Variants in VOPP1 observed in about 807,000 individuals in gnomAD.
VOPP1 encodes VOPP1 WW domain binding protein, also known as WW domain binding protein VOPP1.
Under a neutral mutation model 23.5 loss-of-function variants are expected in VOPP1, and 8 were observed. The observed-to-expected ratio is 0.34, with a 90% CI of 0.20 to 0.61. The LOEUF (loss-of-function observed/expected upper bound fraction) is 0.61, where lower values mean the gene tolerates loss of function less well. Ranked by LOEUF, VOPP1 falls within the 20% of genes least tolerant of loss-of-function variation. The pLI, the probability that VOPP1 is intolerant of heterozygous loss-of-function variation, is 0.78. For missense variants in VOPP1, 174 were observed against 238.1 expected (o/e 0.73, Z 1.77); for synonymous variants, 83 against 97.3 (o/e 0.85, Z 0.86).
intron 1 of VOPP1, among the ~76,000 whole-genome samples, chr7:55,528,437 A>G (rs117759194): frequency 0.011 from 1,671 of 152,340 alleles, 11 homozygotes; most frequent in Middle Eastern, 0.02. Flanking sequence ...AATGCAGACC[A>G]CTTAGTACCC....
At chr7:55,508,887 C>A (rs976174819) in intron 2 of VOPP1, among the ~76,000 whole-genome samples, 1 of 152,028 alleles carries the variant, frequency 6.6e-6, no homozygotes, top group Non-Finnish European at 1.5e-5. Flanking sequence ...ATAAAAAAAT[C>A]TTTAAAATTA....
intron 2 of VOPP1, among the ~76,000 whole-genome samples, chr7:55,499,861 C>T (rs900370444): frequency 6.6e-6 from 1 of 152,108 alleles, no homozygotes; most frequent in Non-Finnish European, 1.5e-5. Flanking sequence ...TGCAGGCCAG[C>T]GCCCTGCACA....
At chr7:55,492,679 G>A (rs761452570) in intron 3 of VOPP1, among the ~76,000 whole-genome samples, 7 of 152,196 alleles carry the variant, frequency 4.6e-5, no homozygotes, top group Non-Finnish European at 1.0e-4. Flanking sequence ...CCCCTGGTGA[G>A]GCCACCCACC....
At chr7:55,477,203 G>A (rs1009750096) in intron 4 of VOPP1, among the ~76,000 whole-genome samples, 2 of 152,326 alleles carry the variant, frequency 1.3e-5, no homozygotes, top group African/African-American at 2.4e-5. Flanking sequence ...AACAAGGCAC[G>A]TCCATGAGTA....
intron 3 of VOPP1, among the ~76,000 whole-genome samples, chr7:55,493,552 G>A (rs1322354548): frequency 1.3e-5 from 2 of 152,240 alleles, no homozygotes; most frequent in Admixed American, 6.5e-5. Context: ...CCAGAGGCAC[G>A]AGACAGGAAT....
intron 2 of VOPP1, among the ~76,000 whole-genome samples, chr7:55,515,693 C>A (rs1001349395): frequency 1.3e-5 from 2 of 152,222 alleles, no homozygotes; most frequent in African/African-American, 4.8e-5. Context: ...CACTTCCCCT[C>A]TGTGCCACAG....
chr7:55,501,831 T>C (rs982608408), intron 2 of VOPP1, among the ~76,000 whole-genome samples: 11 of 152,100 alleles, frequency 7.2e-5, no homozygotes, highest in Non-Finnish European at 1.3e-4. Context: ...CTCCTGCTAG[T>C]TCCCTCCCAT....
rs2129006296 is a variant in VOPP1, at chr7:55,471,401, C to G, written c.*1454G>C. On this transcript the variant is annotated 3_prime_UTR_variant, in exon 5 of 5. Transcript: ENST00000285279. The stretch of plus-strand genomic sequence containing the variant: ...TGAAAAGCATGGACACCAAATCACT[C>G]CGTATCCACTTCCATGAGATGTCTT... 1 of 152,514 alleles carries G rather than the reference C, an allele frequency of 6.6e-6. No homozygotes were observed. The highest frequency in any genetic ancestry group is 1.9e-4 in the East Asian group (1 of 5,180). The allele number at this position is 152,514 out of a possible 1,614,324, so 9.4% of individuals were successfully genotyped here.
intron 4 of VOPP1, among the ~76,000 whole-genome samples, chr7:55,442,020 A>G (rs772108865): frequency 2.6e-5 from 4 of 152,220 alleles, no homozygotes; most frequent in Non-Finnish European, 4.4e-5. Context: ...GCTTGAGTGC[A>G]TTTCATTTCT....
At chr7:55,458,648 T>C (rs183431402) in intron 4 of VOPP1, among the ~76,000 whole-genome samples, 12 of 152,270 alleles carry the variant, frequency 7.9e-5, no homozygotes, top group Admixed American at 5.2e-4. Flanking sequence ...TATTTTATCT[T>C]TTAATTATTG....
chr7:55,438,625 T>C (rs1159126287), intron 4 of VOPP1, among the ~76,000 whole-genome samples: 1 of 152,178 alleles, frequency 6.6e-6, no homozygotes. Flanking sequence ...GAAGCACTTC[T>C]CACTCGCTGC....
In VOPP1 at chr7:55,477,145, G is replaced by T. The variant is rs79378396; in HGVS notation, c.329-4100C>A. On this transcript the variant is annotated intron_variant, in intron 4 of 4. Coordinates refer to ENST00000285279, the MANE Select transcript of VOPP1 (RefSeq NM_030796.5). Reference sequence around the variant, plus strand: ...ACCAGGCAGCCCCCTCTTGCTGCCTGTCACTGCCTTCCCAGCTGAGCAGGC... The same window carrying T: ...ACCAGGCAGCCCCCTCTTGCTGCCTTTCACTGCCTTCCCAGCTGAGCAGGC... Among the ~76,000 whole-genome samples, 214 of 152,312 alleles carry T rather than the reference G, an allele frequency of 1.4e-3. 1 individual carries two copies. Among genetic ancestry groups the T allele is most frequent in the African/African-American group, 4.8e-3 (201 of 41,558 alleles).
chr7:55,500,144 T>C (rs147077890), intron 2 of VOPP1, among the ~76,000 whole-genome samples: 1,680 of 152,264 alleles, frequency 0.011, 13 homozygotes, highest in Middle Eastern at 0.02. Flanking sequence ...AATGCAACCA[T>C]GGCCCGAAGA....
At chr7:55,466,517 A>G (rs1460949769), downstream of VOPP1, among the ~76,000 whole-genome samples, 1 of 152,162 alleles carries the variant, frequency 6.6e-6, no homozygotes, top group Non-Finnish European at 1.5e-5. Context: ...GAGGGGGGAA[A>G]CCAGAAGCTG....
intron 2 of VOPP1, among the ~76,000 whole-genome samples, chr7:55,500,836 C>T (rs1794315642): frequency 1.3e-5 from 2 of 152,206 alleles, no homozygotes; most frequent in South Asian, 4.1e-4. Context: ...TCTGCAGAAG[C>T]GAAGAGTGGA....
intron 4 of VOPP1, among the ~76,000 whole-genome samples, chr7:55,460,316 G>A (rs113804871): frequency 0.012 from 1,831 of 152,298 alleles, 13 homozygotes; most frequent in Admixed American, 0.021. Context: ...TCCATGTGCT[G>A]ATGAGAAGAA....
intron 4 of VOPP1, among the ~76,000 whole-genome samples, chr7:55,481,867 C>T (rs1025910121): frequency 3.9e-5 from 6 of 152,198 alleles, no homozygotes; most frequent in African/African-American, 1.4e-4. Context: ...TGAAACAAAG[C>T]CCCTAGTATC....
chr7:55,479,868 T>C (rs1028198781), intron 4 of VOPP1, among the ~76,000 whole-genome samples: 1 of 152,228 alleles, frequency 6.6e-6, no homozygotes, highest in Non-Finnish European at 1.5e-5. Context: ...AGGCCTTACA[T>C]GGCTAGTTTT....
chr7:55,555,294 A>G (rs1797764281), intron 1 of VOPP1, among the ~76,000 whole-genome samples: 1 of 152,202 alleles, frequency 6.6e-6, no homozygotes, highest in Non-Finnish European at 1.5e-5. Flanking sequence ...ACCACCCCCC[A>G]GCTCAATCGC....
Sources: gnomAD v4.1 joint callset for allele counts (sites outside exome capture counted in the v4.1 genomes callset) on GRCh38, gnomAD v4.1.1 for gene constraint, MANE v1.5 for transcripts, NCBI Gene and HGNC (gene_info 2026-07-23, HGNC 2026-07-21) for gene names.